The following STOX2 variants were observed in gnomAD, a reference collection of about 807,000 sequenced individuals.
The protein encoded by STOX2 is storkhead-box protein 2.
STOX2 carries 28 observed loss-of-function variants against 60.9 expected under a neutral mutation model. The ratio of observed to expected loss-of-function variants is 0.46; its 90% CI spans 0.34 to 0.63. The LOEUF (loss-of-function observed/expected upper bound fraction) is 0.63, where lower values mean the gene tolerates loss of function less well. STOX2 is among the 30% of genes least tolerant of loss of function. The pLI, the probability that STOX2 is intolerant of heterozygous loss-of-function variation, is 0.01. For synonymous variants in STOX2, 472 were observed against 463.9 expected (o/e 1.02, Z -0.22); for missense variants, 1,024 against 1,187.7 (o/e 0.86, Z 2.03).
intron 1 of STOX2, among the ~76,000 whole-genome samples, chr4:183,986,997 A>T (rs1188206078): frequency 1.3e-5 from 2 of 152,178 alleles, no homozygotes; most frequent in Non-Finnish European, 1.5e-5. Context: ...TGCTGGGTTC[A>T]TGAGGATGTG....
rs937838843 is a variant in STOX2 at position 184,001,707 on chromosome 4, G to T, written c.319+230G>T. 6.6e-6 allele frequency among the ~76,000 whole-genome samples: 1 copy of T among 152,084 alleles called. No homozygotes were observed. The highest frequency in any genetic ancestry group is 2.4e-5 in the African/African-American group (1 of 41,428). Reference sequence around the variant, plus strand: ...CTTTTTAAATTGGCACCGAGAGGAAGAAATTAATTCAGAATCCATGAAGAA... The same window carrying T: ...CTTTTTAAATTGGCACCGAGAGGAATAAATTAATTCAGAATCCATGAAGAA... On this transcript the variant is annotated intron_variant, in intron 2 of 3. Transcript: ENST00000308497. This position sits in a 1 kb window ranked among gnomAD's most constrained non-coding sequence, Gnocchi z 4.2.
At chr4:184,013,138 G>A (rs964083793) in intron 3 of STOX2, among the ~76,000 whole-genome samples, 4 of 152,206 alleles carry the variant, frequency 2.6e-5, no homozygotes, top group Admixed American at 1.3e-4. Flanking sequence ...TCCACAGACA[G>A]GAAGCTGCCG....
intron 1 of STOX2, among the ~76,000 whole-genome samples, chr4:183,811,706 T>C (rs144250270): frequency 7.7e-4 from 118 of 152,342 alleles, no homozygotes; most frequent in African/African-American, 2.7e-3. Context: ...TGTGACTAAT[T>C]AGAAAATGTT....
At chr4:183,955,872 T>G (rs1431044181) in intron 1 of STOX2, among the ~76,000 whole-genome samples, 1 of 152,170 alleles carries the variant, frequency 6.6e-6, no homozygotes, top group Non-Finnish European at 1.5e-5. Flanking sequence ...CAGAGCGATC[T>G]GTAGAGGATA....
At chr4:183,801,047 A>G (rs900712680) in intron 1 of STOX2, among the ~76,000 whole-genome samples, 18 of 152,248 alleles carry the variant, frequency 1.2e-4, no homozygotes, top group African/African-American at 3.9e-4. Flanking sequence ...TGTTGAAATC[A>G]TAAGCATTTT....
chr4:183,834,014 G>A (rs977573946), intron 1 of STOX2, among the ~76,000 whole-genome samples: 3 of 151,560 alleles, frequency 2.0e-5, no homozygotes, highest in African/African-American at 7.3e-5. Flanking sequence ...ATGTGAGAAG[G>A]TGTTGTCACA....
chr4:183,821,949 C>T lies in STOX2; in HGVS notation c.364+23894C>T, dbSNP rs868578131. On this transcript the variant is annotated intron_variant, in intron 1 of 2. Coordinates refer to the STOX2 transcript ENST00000513034. The surrounding 1 kb of genome is among the most constrained non-coding windows in gnomAD (Gnocchi z 4.2). ...CCACCCTGCCCTTCCCTAAAAAGGA[C>T]GCTTGTGTGTGGAAAAGGTGATACA... 2.0e-5 allele frequency among the ~76,000 whole-genome samples: 3 copies of T among 152,198 alleles called. No homozygotes were observed. The highest frequency in any genetic ancestry group is 2.0e-4 in the Admixed American group (3 of 15,290).
chr4:183,946,316 C>T (rs1432673179), intron 1 of STOX2, among the ~76,000 whole-genome samples: 8 of 152,248 alleles, frequency 5.3e-5, no homozygotes, highest in African/African-American at 1.9e-4. Context: ...TGACTGTTGT[C>T]AGGAGGATTA....
At chr4:183,954,673 C>T (rs1304673480) in intron 1 of STOX2, among the ~76,000 whole-genome samples, 1 of 152,184 alleles carries the variant, frequency 6.6e-6, no homozygotes, top group Non-Finnish European at 1.5e-5. Flanking sequence ...ACACACATCA[C>T]ACACACTACT....
In STOX2 at chr4:183,882,495, C is replaced by T. The variant is rs534601778; in HGVS notation, c.364+84440C>T. 2.6e-5 allele frequency among the ~76,000 whole-genome samples: 4 copies of T among 152,288 alleles called. No homozygotes were observed. In the South Asian group the frequency reaches 8.3e-4, roughly 32 times the overall value. On this transcript the variant is annotated intron_variant, in intron 1 of 2. Transcript: ENST00000513034. ...TAACTTCTATCACTTCATTCTATCCCAATTTTGAGTATACCTTTAGCTGCA... is the reference window on the plus strand; with the variant it reads ...TAACTTCTATCACTTCATTCTATCCTAATTTTGAGTATACCTTTAGCTGCA...
At chr4:183,866,831 A>G (rs1158711976) in intron 1 of STOX2, among the ~76,000 whole-genome samples, 1 of 152,120 alleles carries the variant, frequency 6.6e-6, no homozygotes, top group Non-Finnish European at 1.5e-5. Context: ...GTGAGTGGCA[A>G]TTGGGTCACT....
At chr4:183,966,953 A>G (rs1277315222) in intron 1 of STOX2, among the ~76,000 whole-genome samples, 1 of 152,190 alleles carries the variant, frequency 6.6e-6, no homozygotes, top group Non-Finnish European at 1.5e-5. Flanking sequence ...AGATAATAGT[A>G]TTTGTTTCAT....
At chr4:184,008,426 C>A (rs563745809) in intron 2 of STOX2, among the ~76,000 whole-genome samples, 1 of 152,314 alleles carries the variant, frequency 6.6e-6, no homozygotes, top group South Asian at 2.1e-4. Flanking sequence ...CAAAAAGACA[C>A]AGAGTGTCAA....
At chr4:183,838,430 T>A (rs1739767647) in intron 1 of STOX2, among the ~76,000 whole-genome samples, 1 of 152,108 alleles carries the variant, frequency 6.6e-6, no homozygotes, top group Non-Finnish European at 1.5e-5. Flanking sequence ...TGGGTGTGTC[T>A]TGATTTATTA....
At position 183,823,248 on chromosome 4, in the gene STOX2, C is replaced by G. The variant is rs560500489; in HGVS notation, c.364+25193C>G. ...CCATCTCTCCTAAAAATACAAAAAT[C>G]AGCTGGGTGTGGTGGTGGATGCCTG... On this transcript the variant is annotated intron_variant, in intron 1 of 2. Transcript: ENST00000513034. 8.6e-4 allele frequency among the ~76,000 whole-genome samples: 131 copies of G among 152,080 alleles called. 1 individual carries two copies. The highest frequency in any genetic ancestry group is 3.0e-3 in the African/African-American group (126 of 41,514).
chr4:183,943,020 A>T (rs368338899), intron 1 of STOX2, among the ~76,000 whole-genome samples: 1 of 152,210 alleles, frequency 6.6e-6, no homozygotes, highest in East Asian at 1.9e-4. Flanking sequence ...TGAATCTGGG[A>T]TACAGTCAGC....
At chr4:183,842,453 C>A (rs1393294358) in intron 1 of STOX2, among the ~76,000 whole-genome samples, 1 of 152,154 alleles carries the variant, frequency 6.6e-6, no homozygotes, top group Admixed American at 6.5e-5. Flanking sequence ...GGTACTCTGC[C>A]ACCCTGTTTG....
At chr4:184,007,039 A>AC in intron 2 of STOX2, among the ~76,000 whole-genome samples, 1 of 135,150 alleles carries the variant, frequency 7.4e-6, no homozygotes, top group Non-Finnish European at 1.6e-5. Context: ...AAAACAAAAC[A>AC]AAAAAAAAAT....
chr4:183,941,420 T>C (rs1371279475), intron 1 of STOX2, among the ~76,000 whole-genome samples: 1 of 152,094 alleles, frequency 6.6e-6, no homozygotes, highest in Non-Finnish European at 1.5e-5. Context: ...ATACAAAAAT[T>C]AGCCAGGCGT....
Sources: allele counts gnomAD v4.1 joint callset (sites outside exome capture counted in the v4.1 genomes callset), GRCh38; gene constraint gnomAD v4.1.1; non-coding constraint Gnocchi (gnomAD v3.1); transcripts MANE v1.5; gene names NCBI Gene and HGNC (gene_info 2026-07-23, HGNC 2026-07-21).